ADGRL3: variants seen among roughly 807,000 people sequenced by gnomAD.
The protein encoded by ADGRL3 is calcium-independent alpha-latrotoxin receptor 3.
ADGRL3 carries 62 observed loss-of-function variants against 153.5 expected under a neutral mutation model. The ratio of observed to expected loss-of-function variants is 0.40; its 90% CI spans 0.33 to 0.50. The LOEUF (loss-of-function observed/expected upper bound fraction) is 0.50, where lower values mean the gene tolerates loss of function less well. Among genes scored for constraint, ADGRL3 ranks in the 20% least tolerant of loss-of-function variants. ADGRL3 has a pLI of 0.47. For synonymous variants in ADGRL3, 710 were observed against 672.5 expected, an observed-to-expected ratio of 1.06 and a Z score of -0.86; for missense variants, 1,641 against 1,859.4, an observed-to-expected ratio of 0.88 and a Z score of 2.16.
Position 61,780,254 on chromosome 4 carries a change from A to G in ADGRL3, c.1400-33555A>G, listed in dbSNP as rs1274402337. ...AGAGCAGCCGCCTGATATAGGATGGACATGTCCCTCACAGGCTTATCTTGG... is the reference window on the plus strand; with the variant it reads ...AGAGCAGCCGCCTGATATAGGATGGGCATGTCCCTCACAGGCTTATCTTGG... On this transcript the variant is annotated intron_variant, in intron 8 of 26. Transcript: ENST00000683033. Among the ~76,000 whole-genome samples, 7 of 152,350 alleles carry G rather than the reference A, an allele frequency of 4.6e-5. No homozygotes were observed. The East Asian group carries it at 1.4e-3, about 29-fold the overall frequency.
intron 25 of ADGRL3, among the ~76,000 whole-genome samples, chr4:62,047,588 G>A (rs1002680930): frequency 6.6e-6 from 1 of 152,046 alleles, no homozygotes; most frequent in Non-Finnish European, 1.5e-5. Context: ...CTCCTTGGAA[G>A]CATGTGAAAC....
intron 17 of ADGRL3, among the ~76,000 whole-genome samples, chr4:61,962,795 G>T (rs556297293): frequency 4.9e-4 from 75 of 152,242 alleles, no homozygotes; most frequent in African/African-American, 1.6e-3. Context: ...AACGTATTTG[G>T]AAACTTTGTT....
intron 8 of ADGRL3, among the ~76,000 whole-genome samples, chr4:61,793,406 G>A (rs933457308): frequency 1.3e-5 from 2 of 152,134 alleles, no homozygotes; most frequent in African/African-American, 4.8e-5. Flanking sequence ...CTGGGCGACA[G>A]AGCGAGACTC....
At chr4:61,784,989 TAA>T (rs1489777742) in intron 8 of ADGRL3, among the ~76,000 whole-genome samples, 1 of 152,150 alleles carries the variant, frequency 6.6e-6, no homozygotes, top group Non-Finnish European at 1.5e-5. Context: ...AAGAGTGAGT[TAA>T]TATTTGTAAA....
intron 1 of ADGRL3, among the ~76,000 whole-genome samples, chr4:61,366,030 T>A (rs1459115351): frequency 6.6e-6 from 1 of 152,198 alleles, no homozygotes; most frequent in Non-Finnish European, 1.5e-5. Context: ...TTACCTATAA[T>A]TTTGTTTGGC....
intron 5 of ADGRL3, among the ~76,000 whole-genome samples, chr4:61,631,437 G>A (rs1175228766): frequency 1.3e-5 from 2 of 152,066 alleles, no homozygotes; most frequent in Non-Finnish European, 2.9e-5. Context: ...TTTCTTTAAA[G>A]CATCTAACCA....
intron 2 of ADGRL3, among the ~76,000 whole-genome samples, chr4:61,438,973 C>T (rs1330468026): frequency 1.3e-5 from 2 of 151,930 alleles, no homozygotes; most frequent in African/African-American, 4.8e-5. Context: ...TCCCAAAGTG[C>T]GGTTGTTACG....
At chr4:61,532,549 C>T (rs113722163) in intron 4 of ADGRL3, among the ~76,000 whole-genome samples, 3,759 of 103,576 alleles carry the variant, frequency 0.036, 159 homozygotes, top group African/African-American at 0.12. Context: ...CGCGCGCGCG[C>T]GCGCGCGTGT....
intron 2 of ADGRL3, among the ~76,000 whole-genome samples, chr4:61,487,769 G>A (rs114122223): frequency 2.0e-5 from 3 of 151,970 alleles, no homozygotes; most frequent in African/African-American, 7.2e-5. Flanking sequence ...GATTTTATGC[G>A]TGATTTTATT....
rs186336773 is a variant in ADGRL3, at chr4:62,070,709, C to A, written c.4433C>A (p.Pro1478Gln). The A allele has an allele frequency of 6.4e-7, 1 of 1,551,606 alleles. No individual in the cohort carries two copies. Among genetic ancestry groups the A allele is most frequent in the Non-Finnish European group, 8.7e-7 (1 of 1,146,972 alleles). The change falls in exon 27 of 27, where the codon CCG becomes CAG. Residue 1478 changes from proline (P) to glutamine (Q), a missense_variant. Physicochemically the swap from Pro to Gln is moderately conservative, Grantham distance 76. Around this residue, in one of 5 missense-constraint regions of ADGRL3, gnomAD observed 517 missense variants for 555.0 expected, o/e 0.93. Coordinates refer to ENST00000683033, the MANE Select transcript of ADGRL3 (RefSeq NM_001387552.1). ...VTTSTQTEPPPAKCGDAEDVY... is the reference protein window; with the variant it reads ...VTTSTQTEPPQAKCGDAEDVY... ...ACCAGCACCCAGACCGAACCCCCAC[C>A]GGCCAAATGTGGTGATGCCGAAGAT...
At chr4:61,930,252 A>AT (rs1229302045) in intron 13 of ADGRL3, among the ~76,000 whole-genome samples, 1 of 150,502 alleles carries the variant, frequency 6.6e-6, no homozygotes, top group Non-Finnish European at 1.5e-5. Flanking sequence ...TGGGGTATTT[A>AT]TTTTTACGTT....
chr4:61,306,850 A>G (rs1427741498), intron 1 of ADGRL3, among the ~76,000 whole-genome samples: 1 of 152,166 alleles, frequency 6.6e-6, no homozygotes, highest in African/African-American at 2.4e-5. Context: ...GTGTGCAACC[A>G]TTTTCTAGAA....
At chr4:61,958,920 G>A (rs1004577091) in intron 17 of ADGRL3, among the ~76,000 whole-genome samples, 1 of 152,090 alleles carries the variant, frequency 6.6e-6, no homozygotes, top group East Asian at 1.9e-4. Flanking sequence ...ACCCCAAGGT[G>A]GCAACACAGC....
At chr4:61,488,393 T>C (rs1450142107) in intron 2 of ADGRL3, among the ~76,000 whole-genome samples, 1 of 152,036 alleles carries the variant, frequency 6.6e-6, no homozygotes, top group Non-Finnish European at 1.5e-5. Flanking sequence ...TAGCATTTCA[T>C]TGCTTGAAAC....
intron 2 of ADGRL3, among the ~76,000 whole-genome samples, chr4:61,477,176 T>A (rs1326655819): frequency 6.6e-6 from 1 of 152,140 alleles, no homozygotes; most frequent in Non-Finnish European, 1.5e-5. Flanking sequence ...TCAAATTACG[T>A]AAAATCAAAA....
intron 8 of ADGRL3, among the ~76,000 whole-genome samples, chr4:61,813,261 G>A (rs1439995537): frequency 4.6e-5 from 7 of 152,130 alleles, no homozygotes; most frequent in Admixed American, 2.6e-4. Context: ...GGGCGTGGTG[G>A]CACACATCTG....
chr4:61,587,498 T>G (rs2098950983), intron 5 of ADGRL3, 58 bp downstream of exon 5: 1 of 1,200,118 alleles, frequency 8.3e-7, no homozygotes, highest in African/African-American at 1.5e-5. Context: ...AACATCAATC[T>G]GTGTTACATG....
At chr4:61,669,438 A>G (rs1178751894) in intron 5 of ADGRL3, among the ~76,000 whole-genome samples, 4 of 152,164 alleles carry the variant, frequency 2.6e-5, no homozygotes, top group Non-Finnish European at 5.9e-5. Flanking sequence ...TGATATATGC[A>G]TCTATTTATG....
chr4:61,706,925 A>G (rs1254796848), intron 6 of ADGRL3, among the ~76,000 whole-genome samples: 2 of 152,206 alleles, frequency 1.3e-5, no homozygotes, highest in Non-Finnish European at 2.9e-5. Context: ...AGCTATCAGC[A>G]TGGCTTCATT....
Sources: allele counts gnomAD v4.1 joint callset (sites outside exome capture counted in the v4.1 genomes callset), GRCh38; gene constraint gnomAD v4.1.1; regional missense constraint gnomAD v4.1.1; transcripts MANE v1.5; gene names NCBI Gene and HGNC (gene_info 2026-07-23, HGNC 2026-07-21).